Variants in POU2F3 observed in about 807,000 individuals in gnomAD.
The protein encoded by POU2F3 is POU class 2 homeobox 3.
A neutral mutation model predicts 59.2 loss-of-function variants in POU2F3; 23 were observed. The observed-to-expected ratio is 0.39, with a 90% confidence interval of 0.28 to 0.55. POU2F3 has a LOEUF of 0.55. Among genes scored for constraint, POU2F3 ranks in the 20% least tolerant of loss-of-function variants. POU2F3 has a pLI of 0.66. For synonymous variants in POU2F3, 190 were observed against 214.6 expected (o/e 0.89, Z 1.00); for missense variants, 473 against 544.5 (o/e 0.87, Z 1.31).
Position 120,274,049 on chromosome 11 carries a change from G to A in POU2F3, c.132+4805G>A, listed in dbSNP as rs565888040. ...AGAAAAAAAAGAGAGAGAGAGAAAGGAAAGAAAGAAAGAGAGAAAGAAAGA... is the reference window on the plus strand; with the variant it reads ...AGAAAAAAAAGAGAGAGAGAGAAAGAAAAGAAAGAAAGAGAGAAAGAAAGA... On this transcript the variant is annotated intron_variant, in intron 3 of 12. Coordinates refer to ENST00000543440, the MANE Select transcript of POU2F3 (RefSeq NM_014352.4). 4.0e-5 allele frequency among the ~76,000 whole-genome samples: 6 copies of A among 148,210 alleles called. No individual in the cohort carries two copies. In the South Asian group the frequency reaches 1.3e-3, roughly 32 times the overall value.
chr11:120,316,828 T>C (rs1459731937), intron 11 of POU2F3, among the ~76,000 whole-genome samples: 1 of 152,228 alleles, frequency 6.6e-6, no homozygotes, highest in African/African-American at 2.4e-5. Flanking sequence ...AAGTTCTCTT[T>C]CTCCCCTATG....
chr11:120,262,571 A>G (rs761310925), intron 2 of POU2F3, among the ~76,000 whole-genome samples: 2 of 152,256 alleles, frequency 1.3e-5, no homozygotes, highest in Non-Finnish European at 2.9e-5. Context: ...ACACAAAACA[A>G]AACGAATCCC....
chr11:120,267,116 G>A (rs1939857780), intron 2 of POU2F3, among the ~76,000 whole-genome samples: 1 of 151,346 alleles, frequency 6.6e-6, no homozygotes, highest in East Asian at 1.9e-4. Context: ...CCCGTCTTTA[G>A]CTCCCTTAGC....
At chr11:120,300,501 C>A (rs531100674) in intron 5 of POU2F3, among the ~76,000 whole-genome samples, 1 of 152,076 alleles carries the variant, frequency 6.6e-6, no homozygotes, top group Non-Finnish European at 1.5e-5. Context: ...CGGTGGCTCA[C>A]GCCTGTAATC....
chr11:120,242,456 G>T (rs1260044064), intron 1 of POU2F3, among the ~76,000 whole-genome samples: 1 of 152,152 alleles, frequency 6.6e-6, no homozygotes, highest in Admixed American at 6.5e-5. Flanking sequence ...TGGAAATGTG[G>T]TCTCTTTTGA....
At chr11:120,242,842 C>T (rs1353208200) in intron 1 of POU2F3, among the ~76,000 whole-genome samples, 1 of 152,160 alleles carries the variant, frequency 6.6e-6, no homozygotes, top group Non-Finnish European at 1.5e-5. Context: ...AGGGGCTCTG[C>T]AGCAAGGAGG....
intron 3 of POU2F3, among the ~76,000 whole-genome samples, chr11:120,274,718 A>T (rs1162670220): frequency 6.6e-6 from 1 of 152,148 alleles, no homozygotes; most frequent in Non-Finnish European, 1.5e-5. Flanking sequence ...TTGCCACTGG[A>T]TCATATTACA....
intron 2 of POU2F3, among the ~76,000 whole-genome samples, chr11:120,251,335 C>T (rs1255222033): frequency 6.6e-6 from 1 of 152,262 alleles, no homozygotes; most frequent in Non-Finnish European, 1.5e-5. Flanking sequence ...CACACACGCA[C>T]ACACACTCTC....
intron 3 of POU2F3, among the ~76,000 whole-genome samples, chr11:120,282,514 G>T (rs1439825678): frequency 6.6e-6 from 1 of 152,178 alleles, no homozygotes; most frequent in African/African-American, 2.4e-5. Context: ...AAACTAGCCA[G>T]GCATGGTGGC....
intron 11 of POU2F3, 100 bp from the exon 12 acceptor site, chr11:120,317,129 G>T: frequency 7.0e-7 from 1 of 1,430,668 alleles, no homozygotes; most frequent in Non-Finnish European, 9.7e-7. Flanking sequence ...AGGTCCCTTT[G>T]GGGATACACC....
At chr11:120,266,288 A>G (rs1368919577) in intron 2 of POU2F3, among the ~76,000 whole-genome samples, 1 of 151,976 alleles carries the variant, frequency 6.6e-6, no homozygotes, top group Non-Finnish European at 1.5e-5. Flanking sequence ...TGTCCATTTA[A>G]GTACATCCTG....
chr11:120,269,259 C>A lies in POU2F3; in HGVS notation c.132+15C>A. On this transcript the variant is annotated intron_variant, in intron 3 of 12. Coordinates refer to ENST00000543440, the MANE Select transcript of POU2F3 (RefSeq NM_014352.4). ...TCAACAGGCAGGTAAGAACTTGGGT[C>A]AGAAAGAAACGTTTATTCTATAAAA... The A allele has an allele frequency of 1.9e-6, 3 of 1,569,940 alleles. No homozygotes were observed. In the South Asian group the frequency reaches 3.3e-5, roughly 17 times the overall value.
At chr11:120,279,441 C>T (rs1411707470) in intron 3 of POU2F3, among the ~76,000 whole-genome samples, 1 of 152,190 alleles carries the variant, frequency 6.6e-6, no homozygotes, top group Non-Finnish European at 1.5e-5. Flanking sequence ...AAGAACCCAT[C>T]ATTTTCTCCA....
At chr11:120,294,430 G>A (rs913203137) in intron 3 of POU2F3, among the ~76,000 whole-genome samples, 6 of 152,224 alleles carry the variant, frequency 3.9e-5, no homozygotes, top group African/African-American at 7.2e-5. Flanking sequence ...TGATCTTCTT[G>A]ATTCCAGGCA....
chr11:120,315,044 T>C (rs528052165), intron 10 of POU2F3, among the ~76,000 whole-genome samples: 33 of 152,338 alleles, frequency 2.2e-4, no homozygotes, highest in African/African-American at 7.7e-4. Flanking sequence ...CTTGCTCACC[T>C]CCAGGGCTCT....
chr11:120,275,193 C>G (rs753330684), intron 3 of POU2F3, among the ~76,000 whole-genome samples: 1 of 152,038 alleles, frequency 6.6e-6, no homozygotes, highest in Non-Finnish European at 1.5e-5. Context: ...GAAAAGAAGG[C>G]TTTTGTGGAG....
intron 5 of POU2F3, 102 bp downstream of exon 5, chr11:120,299,828 A>T (rs1941297751): frequency 1.0e-6 from 1 of 954,246 alleles, no homozygotes; most frequent in Admixed American, 2.3e-5. Flanking sequence ...AGCATGCGTC[A>T]GTCAGTCACC....
intron 4 of POU2F3, 52 bp from the exon 5 acceptor site, chr11:120,299,572 G>A (rs1482460564): frequency 1.3e-6 from 2 of 1,529,618 alleles, no homozygotes; most frequent in Admixed American, 1.7e-5. Flanking sequence ...AGATGGGGCT[G>A]ATGTCCCCAG....
At chr11:120,288,128 C>CA in intron 3 of POU2F3, among the ~76,000 whole-genome samples, 35,485 of 63,124 alleles carry the variant, frequency 0.56, 11,894 homozygotes, top group Non-Finnish European at 0.68. Context: ...ACAAAAAAAC[C>CA]AAAAAAAAAA....
Sources: gnomAD v4.1 joint callset for allele counts (sites outside exome capture counted in the v4.1 genomes callset) on GRCh38, gnomAD v4.1.1 for gene constraint, MANE v1.5 for transcripts, NCBI Gene and HGNC (gene_info 2026-07-23, HGNC 2026-07-21) for gene names.